The following GDAP1 variants were observed in gnomAD, a reference collection of about 807,000 sequenced individuals.
The protein encoded by GDAP1 is ganglioside induced differentiation associated protein 1.
In GDAP1, 34 loss-of-function variants were observed where a neutral mutation model predicts 40.1. The ratio of observed to expected loss-of-function variants is 0.85; its 90% CI spans 0.64 to 1.13. The LOEUF (loss-of-function observed/expected upper bound fraction) is 1.13. Among genes scored for constraint, GDAP1 ranks in the 50% most tolerant of loss-of-function variants. GDAP1 has a pLI of 0.00. For missense variants in GDAP1, 374 were observed against 433.7 expected, an observed-to-expected ratio of 0.86 and a Z score of 1.22; for synonymous variants, 170 against 157.4, an observed-to-expected ratio of 1.08 and a Z score of -0.60.
In GDAP1 at chr8:74,360,114, A is replaced by G; in HGVS notation, c.311-23A>G. 8 of 1,587,432 alleles carry G rather than the reference A, an allele frequency of 5.0e-6. No homozygotes were observed. The highest frequency in any genetic ancestry group is 6.9e-6 in the Non-Finnish European group (8 of 1,155,952). On this transcript the variant is annotated intron_variant, in intron 2 of 5. Transcript: ENST00000220822. Reference sequence around the variant, plus strand: ...CAACTCATGTGTAACTTTTTCTTCAATATTTGTGTGTGTGTATTTTAGAAA... The same window carrying G: ...CAACTCATGTGTAACTTTTTCTTCAGTATTTGTGTGTGTGTATTTTAGAAA...
intron 2 of GDAP1, among the ~76,000 whole-genome samples, chr8:74,468,513 A>G (rs1441857881): frequency 1.3e-5 from 2 of 149,780 alleles, no homozygotes; most frequent in Non-Finnish European, 3.0e-5. Context: ...ACACACACAC[A>G]CACACACACA....
intron 2 of GDAP1, among the ~76,000 whole-genome samples, chr8:74,389,554 C>A (rs929376300): frequency 6.6e-6 from 1 of 152,162 alleles, no homozygotes; most frequent in Non-Finnish European, 1.5e-5. Context: ...TGCTGTTAGT[C>A]TGATGGACTT....
At chr8:74,382,777 C>CT (rs887529038) in intron 2 of GDAP1, among the ~76,000 whole-genome samples, 16 of 151,824 alleles carry the variant, frequency 1.1e-4, no homozygotes, top group South Asian at 4.2e-4. Context: ...TAGAATTTCA[C>CT]TTTTTTTTCC....
intron 2 of GDAP1, among the ~76,000 whole-genome samples, chr8:74,417,138 G>A (rs996582040): frequency 6.7e-6 from 1 of 149,274 alleles, no homozygotes; most frequent in Non-Finnish European, 1.5e-5. Flanking sequence ...TATATTAACA[G>A]TGTAAAGAAG....
chr8:74,372,096 A>G (rs1381969329), intron 2 of GDAP1, among the ~76,000 whole-genome samples: 3 of 152,040 alleles, frequency 2.0e-5, no homozygotes, highest in African/African-American at 7.3e-5. Context: ...AAGGACATGA[A>G]CTCATCATTT....
intron 2 of GDAP1, among the ~76,000 whole-genome samples, chr8:74,380,580 TAGAG>T (rs895670395): frequency 2.0e-5 from 3 of 152,264 alleles, no homozygotes; most frequent in East Asian, 1.9e-4. Context: ...AAAATAAATT[TAGAG>T]AGAGATTTAA....
chr8:74,448,157 TCAATCATTACCTTC>T (rs1806255800), intron 2 of GDAP1, among the ~76,000 whole-genome samples: 1 of 152,194 alleles, frequency 6.6e-6, no homozygotes, highest in Non-Finnish European at 1.5e-5. Flanking sequence ...TAGAAATTTC[TCAATCATTACCTTC>T]CACAGGCAAG....
intron 2 of GDAP1, among the ~76,000 whole-genome samples, chr8:74,411,449 C>T (rs552553489): frequency 1.3e-5 from 2 of 149,238 alleles, no homozygotes; most frequent in African/African-American, 5.2e-5. Context: ...CTGAAATTTT[C>T]AGTGTTTGAA....
chr8:74,352,105 A>T (rs1402426510), intron 2 of GDAP1, among the ~76,000 whole-genome samples: 1 of 152,224 alleles, frequency 6.6e-6, no homozygotes, highest in Admixed American at 6.5e-5. Context: ...TATGTAAATG[A>T]GGAGAAAGCA....
At position 74,364,101 on chromosome 8, in the gene GDAP1, G is replaced by A. The variant is rs775622226; in HGVS notation, c.811G>A (p.Gly271Arg). ...LGFARRNWGN[G>R]KRPNLETYYE... ...GTTTGCAAGGAGAAACTGGGGAAAC[G>A]GAAAGCGACCAAACTTGGAAACCTA... Residue 271 changes from glycine (G) to arginine (R), a missense_variant, in exon 6 of 6, where the codon GGA becomes AGA. By Grantham distance (125) the Gly-to-Arg change is moderately radical. Coordinates refer to ENST00000220822, the MANE Select transcript of GDAP1 (RefSeq NM_018972.4). 53 of 1,614,038 alleles carry A rather than the reference G, an allele frequency of 3.3e-5. 2 individuals carry two copies. Among genetic ancestry groups the A allele is most frequent in the South Asian group, 3.1e-4 (28 of 91,090 alleles).
chr8:74,351,222 C>T, intron 1 of GDAP1, 52 bp from the exon 2 acceptor site: 1 of 1,448,972 alleles, frequency 6.9e-7, no homozygotes, highest in East Asian at 2.3e-5. Flanking sequence ...CCAGGGAAGT[C>T]ATTTAATTGA....
rs892102208 is a variant in GDAP1, at chr8:74,402,634, C to T, written c.165+51313C>T. ...CTGAGATGGAAATGCAGAAATCACC[C>T]GTCTTCTGTGTCGCTCATGCTGGGA... On this transcript the variant is annotated intron_variant, in intron 2 of 2. Coordinates refer to the GDAP1 transcript ENST00000523640. Among the ~76,000 whole-genome samples, 14 of 150,332 alleles carry T rather than the reference C, an allele frequency of 9.3e-5. 1 individual carries two copies. Among genetic ancestry groups the T allele is most frequent in the Non-Finnish European group, 1.3e-4 (9 of 68,040 alleles).
intron 2 of GDAP1, among the ~76,000 whole-genome samples, chr8:74,418,847 A>G (rs1805820074): frequency 8.0e-6 from 1 of 125,074 alleles, no homozygotes; most frequent in Non-Finnish European, 1.7e-5. Flanking sequence ...ATAACAAACT[A>G]TTCAATTAAA....
chr8:74,455,422 T>A (rs1178967285), intron 2 of GDAP1, among the ~76,000 whole-genome samples: 1 of 151,958 alleles, frequency 6.6e-6, no homozygotes, highest in Non-Finnish European at 1.5e-5. Flanking sequence ...ATTTGTGCCA[T>A]CAATGGTAAG....
At chr8:74,443,531 C>T (rs899737384) in intron 2 of GDAP1, among the ~76,000 whole-genome samples, 8 of 152,178 alleles carry the variant, frequency 5.3e-5, no homozygotes, top group African/African-American at 1.7e-4. Context: ...GTAATCGCAG[C>T]TACTGAGGAC....
chr8:74,423,101 G>C (rs1035149838), intron 2 of GDAP1, among the ~76,000 whole-genome samples: 2 of 147,280 alleles, frequency 1.4e-5, no homozygotes, highest in African/African-American at 4.9e-5. Context: ...GAATTGATTT[G>C]TCATTGCCAA....
chr8:74,369,523 G>A (rs1809712503), downstream of GDAP1, among the ~76,000 whole-genome samples: 1 of 152,026 alleles, frequency 6.6e-6, no homozygotes, highest in Admixed American at 6.6e-5. Context: ...GGAAGATAAA[G>A]AAACACAGCC....
chr8:74,481,247 A>G (rs569072766), intron 2 of GDAP1, among the ~76,000 whole-genome samples: 10 of 152,228 alleles, frequency 6.6e-5, no homozygotes, highest in Non-Finnish European at 1.2e-4. Flanking sequence ...TAGTAAAAAT[A>G]ATTAGAAGTA....
At chr8:74,481,287 G>A (rs1806707599) in intron 2 of GDAP1, among the ~76,000 whole-genome samples, 2 of 152,182 alleles carry the variant, frequency 1.3e-5, no homozygotes, top group South Asian at 4.1e-4. Flanking sequence ...CTTCAGCCAG[G>A]GCAGGGCTAA....
Sources: gnomAD v4.1 joint callset for allele counts (sites outside exome capture counted in the v4.1 genomes callset) on GRCh38, gnomAD v4.1.1 for gene constraint, MANE v1.5 for transcripts, NCBI Gene and HGNC (gene_info 2026-07-23, HGNC 2026-07-21) for gene names.